SNRNP35: variants seen among roughly 807,000 people sequenced by gnomAD.
The protein encoded by SNRNP35 is U11/U12 small nuclear ribonucleoprotein 35 kDa protein.
A neutral mutation model predicts 24.3 loss-of-function variants in SNRNP35; 16 were observed. The observed-to-expected ratio is 0.66, with a 90% CI of 0.45 to 1.00. The LOEUF is 1.00. Among genes scored for constraint, SNRNP35 ranks in the 50% least tolerant of loss-of-function variants. SNRNP35 has a pLI of 0.00. For synonymous variants in SNRNP35, 106 were observed against 124.8 expected (o/e 0.85, Z 1.00); for missense variants, 292 against 327.2 (o/e 0.89, Z 0.83).
chr12:123,458,437 C>A (rs1174133833), intron 1 of SNRNP35, among the ~76,000 whole-genome samples: 4 of 151,714 alleles, frequency 2.6e-5, no homozygotes, highest in African/African-American at 9.7e-5. Context: ...GGCGGGGGAG[C>A]GGCCTCGAGG....
intron 1 of SNRNP35, 59 bp downstream of exon 1, chr12:123,458,275 G>C (rs1028706611): frequency 2.1e-6 from 2 of 973,242 alleles, no homozygotes; most frequent in Non-Finnish European, 2.4e-6. Flanking sequence ...AAGAGGGAGT[G>C]CGGCCCAGAC....
intron 1 of SNRNP35, among the ~76,000 whole-genome samples, chr12:123,462,906 A>G (rs1213077714): frequency 6.6e-6 from 1 of 152,158 alleles, no homozygotes; most frequent in Non-Finnish European, 1.5e-5. Flanking sequence ...CACTCCCCCT[A>G]TATAACCCAT....
chr12:123,459,810 A>T, intron 1 of SNRNP35: 9 of 1,555,254 alleles, frequency 5.8e-6, no homozygotes, highest in Non-Finnish European at 7.0e-6. Context: ...GAATGTAAAA[A>T]TCGAAAGAGA....
At chr12:123,470,536 G>A (rs1881141031), downstream of SNRNP35, 1 of 150,638 alleles carries the variant, frequency 6.6e-6, no homozygotes, top group Admixed American at 6.6e-5. Context: ...AGCACTTTGA[G>A]AGGCCAAGGC....
chr12:123,468,381 GAAA>G (rs1392722652), downstream of SNRNP35, among the ~76,000 whole-genome samples: 3 of 134,882 alleles, frequency 2.2e-5, no homozygotes, highest in Non-Finnish European at 4.8e-5. Context: ...AAAAAGAAAA[GAAA>G]AAAAGAAAAC....
downstream of SNRNP35, among the ~76,000 whole-genome samples, chr12:123,467,179 A>T (rs1304861456): frequency 2.6e-5 from 4 of 152,224 alleles, no homozygotes; most frequent in Non-Finnish European, 4.4e-5. Flanking sequence ...AGAAAAGTGA[A>T]TTCAAGGAGA....
chr12:123,470,970 A>G (rs1881162757), downstream of SNRNP35: 1 of 152,190 alleles, frequency 6.6e-6, no homozygotes, highest in African/African-American at 2.4e-5. Flanking sequence ...ACACTGCTCT[A>G]ACGCAGCAAT....
chr12:123,468,546 G>A (rs905268556), downstream of SNRNP35, among the ~76,000 whole-genome samples: 3 of 151,870 alleles, frequency 2.0e-5, no homozygotes, highest in Non-Finnish European at 4.4e-5. Context: ...AAAATTAGCC[G>A]GGTGTTGGTT....
rs188636494 is a variant in SNRNP35, at chr12:123,458,189, G to T, written c.-31G>T. On this transcript the variant is annotated 5_prime_UTR_variant, in exon 1 of 2. Transcript: ENST00000526639. ...CGCCTGCAGCTGCTCGCCTGTCTCCGTCGGAAGGGAGCCCAAGCTTTGCAG... is the reference window on the plus strand; with the variant it reads ...CGCCTGCAGCTGCTCGCCTGTCTCCTTCGGAAGGGAGCCCAAGCTTTGCAG... 134 of 985,484 alleles carry T rather than the reference G, an allele frequency of 1.4e-4. No individual in the cohort carries two copies. In the African/African-American group the frequency reaches 2.2e-3, roughly 16 times the overall value. 61.0% of individuals were successfully genotyped at this position (985,484 alleles called of 1,614,324 possible).
chr12:123,463,479 G>A (rs1880746753), intron 1 of SNRNP35, among the ~76,000 whole-genome samples: 1 of 151,618 alleles, frequency 6.6e-6, no homozygotes, highest in Admixed American at 6.6e-5. Flanking sequence ...CTGGGTTCAA[G>A]CAATTCTCCT....
chr12:123,467,138 A>G (rs1384145469), downstream of SNRNP35, among the ~76,000 whole-genome samples: 3 of 152,218 alleles, frequency 2.0e-5, no homozygotes, highest in African/African-American at 7.2e-5. Flanking sequence ...CCATAGCCCA[A>G]GAGTTTGCTG....
downstream of SNRNP35, among the ~76,000 whole-genome samples, chr12:123,469,298 GC>G (rs1302989238): frequency 1.3e-5 from 2 of 151,940 alleles, no homozygotes; most frequent in Non-Finnish European, 2.9e-5. Context: ...GGGACAACAG[GC>G]GCATGCCCCC....
At chr12:123,472,759 A>T in exon 2 of SNRNP35, 6 of 1,487,086 alleles carry the variant, frequency 4.0e-6, no homozygotes, top group Non-Finnish European at 5.5e-6. Context: ...AATGCCGGAG[A>T]CATATAGCAG....
downstream of SNRNP35, chr12:123,470,868 C>G (rs1035654878): frequency 6.6e-6 from 1 of 152,064 alleles, no homozygotes; most frequent in Non-Finnish European, 1.5e-5. Context: ...ACAAAGGTGG[C>G]CAGGGGTGGG....
At chr12:123,462,500 C>CT (rs144727236) in intron 1 of SNRNP35, among the ~76,000 whole-genome samples, 126 of 128,634 alleles carry the variant, frequency 9.8e-4, no homozygotes, top group Admixed American at 1.1e-3. Context: ...GGTCAGAGGT[C>CT]TTTTTTTTTT....
intron 1 of SNRNP35, among the ~76,000 whole-genome samples, chr12:123,458,557 G>T (rs143126656): frequency 6.3e-4 from 95 of 151,384 alleles, no homozygotes; most frequent in East Asian, 4.3e-3. Flanking sequence ...TGTGGGTTCC[G>T]CCTTCAGTTT....
downstream of SNRNP35, among the ~76,000 whole-genome samples, chr12:123,468,115 T>C (rs763157148): frequency 3.9e-5 from 6 of 151,962 alleles, no homozygotes; most frequent in South Asian, 2.1e-4. Flanking sequence ...TCCCAGCACT[T>C]TGGGAGGCCG....
At chr12:123,458,537 TG>T (rs1880413197) in intron 1 of SNRNP35, among the ~76,000 whole-genome samples, 1 of 151,102 alleles carries the variant, frequency 6.6e-6, no homozygotes, top group African/African-American at 2.4e-5. Flanking sequence ...GCGCATGCCC[TG>T]GAGGGCTCTG....
chr12:123,470,139 C>G (rs1370257191), downstream of SNRNP35: 1 of 152,126 alleles, frequency 6.6e-6, no homozygotes, highest in Non-Finnish European at 1.5e-5. Context: ...TCCCGATTAT[C>G]TAGCCTCTGA....
Sources: gnomAD v4.1 joint callset for allele counts (sites outside exome capture counted in the v4.1 genomes callset) on GRCh38, gnomAD v4.1.1 for gene constraint, MANE v1.5 for transcripts, NCBI Gene and HGNC (gene_info 2026-07-23, HGNC 2026-07-21) for gene names.